SSH2: variants seen among roughly 807,000 people sequenced by gnomAD.
The protein encoded by SSH2 is slingshot protein phosphatase 2.
A neutral mutation model predicts 135.2 loss-of-function variants in SSH2; 37 were observed. The ratio of observed to expected loss-of-function variants is 0.27; its 90% CI spans 0.21 to 0.36. SSH2 has a LOEUF of 0.36. Among genes scored for constraint, SSH2 ranks in the 10% least tolerant of loss-of-function variants. SSH2 has a pLI of 1.00. For missense variants in SSH2, 1,408 were observed against 1,765.3 expected (o/e 0.80, Z 3.63); for synonymous variants, 628 against 646.2 (o/e 0.97, Z 0.43).
At chr17:29,734,325 G>A (rs1015692801) in intron 3 of SSH2, among the ~76,000 whole-genome samples, 1 of 152,142 alleles carries the variant, frequency 6.6e-6, no homozygotes, top group Non-Finnish European at 1.5e-5. Flanking sequence ...GCGCAAATAA[G>A]CAAATGGCAA....
At chr17:29,908,549 G>A (rs953550522) in intron 1 of SSH2, among the ~76,000 whole-genome samples, 1 of 152,014 alleles carries the variant, frequency 6.6e-6, no homozygotes, top group Non-Finnish European at 1.5e-5. Context: ...CAGATCACTT[G>A]AGGTCAGGAG....
chr17:29,696,617 A>G (rs1598823741), intron 4 of SSH2, among the ~76,000 whole-genome samples: 1 of 98,410 alleles, frequency 1.0e-5, no homozygotes, highest in East Asian at 4.9e-4. Flanking sequence ...ATATACATAT[A>G]TATATACACA....
chr17:29,790,205 G>C (rs1416133558), intron 3 of SSH2, among the ~76,000 whole-genome samples: 1 of 152,112 alleles, frequency 6.6e-6, no homozygotes, highest in Admixed American at 6.6e-5. Context: ...CCCTACCCTC[G>C]AAAGTGAGGC....
intron 3 of SSH2, among the ~76,000 whole-genome samples, chr17:29,762,365 A>G (rs948149317): frequency 2.6e-5 from 4 of 152,184 alleles, no homozygotes; most frequent in African/African-American, 4.8e-5. Context: ...AAAAATCTCA[A>G]TGCCCAGGCT....
chr17:29,781,002 G>A (rs2041828512), intron 3 of SSH2, among the ~76,000 whole-genome samples: 1 of 151,076 alleles, frequency 6.6e-6, no homozygotes, highest in African/African-American at 2.4e-5. Context: ...TAGTAGAGAC[G>A]GGGTTTCACC....
intron 3 of SSH2, among the ~76,000 whole-genome samples, chr17:29,782,127 C>T (rs1037593876): frequency 4.3e-4 from 66 of 152,018 alleles, no homozygotes; most frequent in Non-Finnish European, 4.9e-4. Context: ...ATTATAGGCA[C>T]GAGCCACCAT....
At chr17:29,800,269 T>C (rs2042226703) in intron 2 of SSH2, among the ~76,000 whole-genome samples, 1 of 151,954 alleles carries the variant, frequency 6.6e-6, no homozygotes, top group Admixed American at 6.6e-5. Flanking sequence ...GTAAAATGGA[T>C]TTAAAAGGAA....
intron 3 of SSH2, among the ~76,000 whole-genome samples, chr17:29,731,155 C>T (rs1434522104): frequency 6.6e-6 from 1 of 152,088 alleles, no homozygotes; most frequent in Non-Finnish European, 1.5e-5. Flanking sequence ...GGTAGTATCT[C>T]AACATTTAAA....
intron 1 of SSH2, among the ~76,000 whole-genome samples, chr17:29,872,039 C>G (rs550790248): frequency 2.0e-5 from 3 of 152,204 alleles, no homozygotes; most frequent in Middle Eastern, 3.4e-3. Context: ...TTTAATAAGC[C>G]TGATTGATTT....
At chr17:29,718,957 G>GCTAC in intron 3 of SSH2, among the ~76,000 whole-genome samples, 1 of 152,154 alleles carries the variant, frequency 6.6e-6, no homozygotes, top group Non-Finnish European at 1.5e-5. Context: ...GCAGAACAAT[G>GCTAC]CTTTGTGACT....
intron 9 of SSH2, among the ~76,000 whole-genome samples, chr17:29,670,526 G>C (rs772143078): frequency 2.6e-5 from 4 of 152,144 alleles, no homozygotes; most frequent in Non-Finnish European, 4.4e-5. Flanking sequence ...GGCAGGTGTG[G>C]TGGCTACGCC....
intron 11 of SSH2, among the ~76,000 whole-genome samples, chr17:29,660,864 C>G (rs1309546148): frequency 6.6e-6 from 1 of 151,662 alleles, no homozygotes; most frequent in Non-Finnish European, 1.5e-5. Flanking sequence ...TGAGACCAGC[C>G]TGGCCAACAT....
rs1326306453 is a variant in SSH2, at chr17:29,648,078, AAGGACACTTCATCTTGCTTT to A, written c.1427+46_1427+65del. ...ATCAGCTTGAGAAGTAGCTACAGAG[AAGGACACTTCATCTTGCTTT>A]AGGGAACTTAAAAGGAGGGAGAATT... On this transcript the variant is annotated intron_variant, in intron 14 of 15. Transcript: ENST00000540801. 3.5e-6 allele frequency: 5 copies of A among 1,430,674 alleles called. No homozygotes were observed. In the African/African-American group the frequency reaches 7.0e-5, roughly 20 times the overall value. The allele number at this position is 1,430,674 out of a possible 1,614,324, so 88.6% of individuals were successfully genotyped here.
intron 2 of SSH2, among the ~76,000 whole-genome samples, chr17:29,812,656 C>T (rs1330525597): frequency 4.6e-5 from 7 of 151,996 alleles, no homozygotes; most frequent in Non-Finnish European, 1.0e-4. Flanking sequence ...TTTGGGACAC[C>T]GAAGCGGGTG....
chr17:29,631,318 G>C lies in SSH2; in HGVS notation c.3876C>G (p.Tyr1292Ter). 1 of 1,614,158 alleles carries C rather than the reference G, an allele frequency of 6.2e-7. No homozygotes were observed. Residue 1292 changes from tyrosine (Y) to a stop codon, truncating the protein, a stop_gained, in exon 16 of 16, where the codon TAC (tyrosine) becomes TAG (stop). Coordinates refer to ENST00000540801, the MANE Select transcript of SSH2 (RefSeq NM_001282129.2). LOFTEE classifies it high-confidence loss of function. ...RRSASLAKLG[Y>*]LDLCKDCLPE... Reference sequence around the variant, plus strand: ...GTAAGCAGTCTTTACAGAGGTCCAAGTAACCTAATTTGGCGAGAGAAGCTG... The same window carrying C: ...GTAAGCAGTCTTTACAGAGGTCCAACTAACCTAATTTGGCGAGAGAAGCTG...
At chr17:29,751,093 T>C (rs2151230159) in intron 3 of SSH2, among the ~76,000 whole-genome samples, 1 of 152,184 alleles carries the variant, frequency 6.6e-6, no homozygotes, top group African/African-American at 2.4e-5. Context: ...CTGAGGCAGC[T>C]TTACAGTTAA....
chr17:29,651,998 T>C (rs928351395), intron 12 of SSH2, among the ~76,000 whole-genome samples: 1 of 152,088 alleles, frequency 6.6e-6, no homozygotes, highest in African/African-American at 2.4e-5. Context: ...CAAAATTAGC[T>C]GGGCGTGGTG....
intron 3 of SSH2, among the ~76,000 whole-genome samples, chr17:29,771,163 C>T (rs1278699337): frequency 6.6e-6 from 1 of 152,158 alleles, no homozygotes; most frequent in Non-Finnish European, 1.5e-5. Context: ...ATATGTATTA[C>T]GTTATTCAAA....
rs141375990 is a variant in SSH2, at chr17:29,900,855, A to T, written c.63+29083T>A. ...GTATGTTCATTGCGGCACTATTCAC[A>T]AAAGCAAAGACTTGGAACCAACCCA... On this transcript the variant is annotated intron_variant, in intron 1 of 15. Coordinates refer to ENST00000540801, the MANE Select transcript of SSH2 (RefSeq NM_001282129.2). 2.7e-3 allele frequency among the ~76,000 whole-genome samples: 416 copies of T among 152,308 alleles called. 3 individuals are homozygous for T. The highest frequency in any genetic ancestry group is 7.2e-3 in the African/African-American group (299 of 41,574).
Sources: allele counts gnomAD v4.1 joint callset (sites outside exome capture counted in the v4.1 genomes callset), GRCh38; gene constraint gnomAD v4.1.1; transcripts MANE v1.5; gene names NCBI Gene and HGNC (gene_info 2026-07-23, HGNC 2026-07-21).